The following CDR2 variants were observed in gnomAD, a reference collection of about 807,000 sequenced individuals.
CDR2 encodes cerebellar degeneration-related protein 2.
In CDR2, 34 loss-of-function variants were observed where a neutral mutation model predicts 48.4. The ratio of observed to expected loss-of-function variants is 0.70; its 90% confidence interval spans 0.53 to 0.94. The LOEUF (loss-of-function observed/expected upper bound fraction) is 0.94, where lower values mean the gene tolerates loss of function less well. Ranked by LOEUF, CDR2 falls within the 40% of genes least tolerant of loss-of-function variation. CDR2 has a pLI of 0.00. For synonymous variants in CDR2, 240 were observed against 219.7 expected (o/e 1.09, Z -0.82); for missense variants, 498 against 549.5 (o/e 0.91, Z 0.94).
chr16:22,353,032 A>G (rs1424799188), intron 2 of CDR2, among the ~76,000 whole-genome samples: 3 of 152,254 alleles, frequency 2.0e-5, no homozygotes, highest in Non-Finnish European at 2.9e-5. Context: ...AAAAAGGCTT[A>G]GAATCACAAG....
intron 2 of CDR2, among the ~76,000 whole-genome samples, chr16:22,362,908 C>T (rs1392772778): frequency 6.6e-6 from 1 of 151,442 alleles, no homozygotes; most frequent in Non-Finnish European, 1.5e-5. Flanking sequence ...TTTTTAAATG[C>T]CTAGTTTCTC....
At chr16:22,358,949 T>C (rs1468567282) in intron 2 of CDR2, among the ~76,000 whole-genome samples, 2 of 152,276 alleles carry the variant, frequency 1.3e-5, no homozygotes, top group South Asian at 2.1e-4. Flanking sequence ...TCAAAATAGC[T>C]AGAAAAGATA....
chr16:22,358,778 C>T (rs562477735), intron 2 of CDR2, among the ~76,000 whole-genome samples: 3 of 152,030 alleles, frequency 2.0e-5, no homozygotes, highest in South Asian at 2.1e-4. Flanking sequence ...AATTTGGTGG[C>T]GGGAGGCATG....
intron 1 of CDR2, among the ~76,000 whole-genome samples, chr16:22,366,713 G>A (rs2049046931): frequency 6.6e-6 from 1 of 152,102 alleles, no homozygotes; most frequent in African/African-American, 2.4e-5. Flanking sequence ...TAACTAAAGA[G>A]GTCAAGAGTT....
At chr16:22,350,985 A>G (rs560828658) in intron 2 of CDR2, among the ~76,000 whole-genome samples, 1 of 152,128 alleles carries the variant, frequency 6.6e-6, no homozygotes, top group Non-Finnish European at 1.5e-5. Flanking sequence ...CCATCAACTC[A>G]TCATTTACAT....
intron 1 of CDR2, 124 bp from the exon 2 acceptor site, chr16:22,365,138 G>C (rs750080735): frequency 1.9e-5 from 12 of 639,142 alleles, no homozygotes; most frequent in Non-Finnish European, 3.0e-5. Flanking sequence ...GAGTGGCACA[G>C]AAGGAAACCC....
At chr16:22,363,968 C>T (rs982391892) in intron 2 of CDR2, among the ~76,000 whole-genome samples, 2 of 152,072 alleles carry the variant, frequency 1.3e-5, no homozygotes, top group Admixed American at 6.6e-5. Context: ...GACAAGGTCT[C>T]GCTCCCATCA....
chr16:22,371,142 C>T (rs1247789221), intron 1 of CDR2, among the ~76,000 whole-genome samples: 4 of 150,992 alleles, frequency 2.6e-5, no homozygotes, highest in Admixed American at 1.3e-4. Context: ...ACGCGGGAGG[C>T]GGAGATTGCA....
chr16:22,347,847 A>G, intron 4 of CDR2, 24 bp from the exon 5 acceptor site: 1 of 1,585,612 alleles, frequency 6.3e-7, no homozygotes, highest in Non-Finnish European at 8.6e-7. Context: ...TATTGAAAGA[A>G]TATATTACAC....
At chr16:22,361,066 C>G (rs1248138323) in intron 2 of CDR2, among the ~76,000 whole-genome samples, 3 of 152,096 alleles carry the variant, frequency 2.0e-5, no homozygotes, top group African/African-American at 7.2e-5. Flanking sequence ...ACTTTGTAAT[C>G]TAATTCCCAA....
intron 2 of CDR2, among the ~76,000 whole-genome samples, chr16:22,359,716 C>T (rs1221126312): frequency 1.3e-5 from 2 of 152,184 alleles, no homozygotes; most frequent in African/African-American, 2.4e-5. Context: ...ACCTGAATCT[C>T]CTAAAACAGA....
intron 1 of CDR2, 146 bp downstream of exon 1, chr16:22,374,085 C>T (rs1286211338): frequency 3.7e-6 from 2 of 537,598 alleles, no homozygotes; most frequent in East Asian, 7.1e-5. Context: ...GATCCGCGGG[C>T]ACGGCCGGCC....
In CDR2 at chr16:22,347,505, C is replaced by T. The variant is rs1340446008; in HGVS notation, c.825G>A (p.Val275=). ...HPFVNGVEKL[V]PDSLYVPFKE... ...TGAAAGGAACATACAGAGAGTCTGG[C>T]ACCAGCTTCTCAACTCCATTCACAA... Residue 275 remains valine (V), a synonymous_variant, in exon 5 of 5, where the codon GTG becomes GTA. Transcript: ENST00000268383. The T allele has an allele frequency of 6.2e-7, 1 of 1,613,942 alleles. No individual in the cohort carries two copies. Among genetic ancestry groups the T allele is most frequent in the African/African-American group, 1.3e-5 (1 of 74,928 alleles).
At chr16:22,348,180 T>G (rs1193880759) in intron 4 of CDR2, among the ~76,000 whole-genome samples, 1 of 152,068 alleles carries the variant, frequency 6.6e-6, no homozygotes, top group Non-Finnish European at 1.5e-5. Flanking sequence ...CAGGTGATCC[T>G]CCTGCCTTAG....
intron 1 of CDR2, among the ~76,000 whole-genome samples, chr16:22,372,052 T>G (rs2049082172): frequency 6.6e-6 from 1 of 152,132 alleles, no homozygotes; most frequent in Non-Finnish European, 1.5e-5. Context: ...GTATTTTTAG[T>G]GGAGATGGAG....
In CDR2 at chr16:22,372,536, G is replaced by A. The variant is rs577241284; in HGVS notation, c.79+1695C>T. Among the ~76,000 whole-genome samples, 4 of 152,310 alleles carry A rather than the reference G, an allele frequency of 2.6e-5. No homozygotes were observed. The South Asian group carries it at 8.3e-4, about 32-fold the overall frequency. ...TAAATACAGGAAAGAGAAATATTTAGTTGTGATGATACAAATTAAATTATA... is the reference window on the plus strand; with the variant it reads ...TAAATACAGGAAAGAGAAATATTTAATTGTGATGATACAAATTAAATTATA... On this transcript the variant is annotated intron_variant, in intron 1 of 4. Transcript: ENST00000268383.
At position 22,347,875 on chromosome 16, in the gene CDR2, CGA is replaced by C. The variant is rs2048918188; in HGVS notation, c.507-54_507-53del. On this transcript the variant is annotated intron_variant, in intron 4 of 4. Coordinates refer to ENST00000268383, the MANE Select transcript of CDR2 (RefSeq NM_001802.2). ...TATTACACAGGTCCACTGAAAATGACGAGAGGAAGACTGGTGATTTTTTTTCA... is the reference window on the plus strand; with the variant it reads ...TATTACACAGGTCCACTGAAAATGACGAGGAAGACTGGTGATTTTTTTTCA... 10 of 1,486,076 alleles carry C rather than the reference CGA, an allele frequency of 6.7e-6. No individual in the cohort carries two copies. In the East Asian group the frequency reaches 1.6e-4, roughly 24 times the overall value. The allele number at this position is 1,486,076 out of a possible 1,614,324, so 92.1% of individuals were successfully genotyped here.
At chr16:22,354,138 G>A (rs760037280) in intron 2 of CDR2, among the ~76,000 whole-genome samples, 5 of 152,138 alleles carry the variant, frequency 3.3e-5, no homozygotes, top group Non-Finnish European at 7.3e-5. Context: ...CCCTCAAACG[G>A]CTGAGACTGG....
At chr16:22,369,454 A>G (rs1488593533) in intron 1 of CDR2, among the ~76,000 whole-genome samples, 1 of 152,204 alleles carries the variant, frequency 6.6e-6, no homozygotes, top group Non-Finnish European at 1.5e-5. Flanking sequence ...GATACCAAGG[A>G]CAGCACTCTT....
Sources: gnomAD v4.1 joint callset for allele counts (sites outside exome capture counted in the v4.1 genomes callset) on GRCh38, gnomAD v4.1.1 for gene constraint, MANE v1.5 for transcripts, NCBI Gene and HGNC (gene_info 2026-07-23, HGNC 2026-07-21) for gene names.